The following TBC1D5 variants were observed in gnomAD, a reference collection of about 807,000 sequenced individuals.
The protein encoded by TBC1D5 is TBC1 domain family member 5, also known as TBC1 domain family, member 5.
A neutral mutation model predicts 100.3 loss-of-function variants in TBC1D5; 75 were observed. The observed-to-expected ratio is 0.75, with a 90% CI of 0.62 to 0.91. The LOEUF (loss-of-function observed/expected upper bound fraction) is 0.91, where lower values mean the gene tolerates loss of function less well. Among genes scored for constraint, TBC1D5 ranks in the 40% least tolerant of loss-of-function variants. The pLI, the probability that TBC1D5 is intolerant of heterozygous loss-of-function variation, is 0.00. For synonymous variants in TBC1D5, 323 were observed against 325.6 expected (o/e 0.99, Z 0.09); for missense variants, 910 against 942.4 (o/e 0.97, Z 0.45).
intron 2 of TBC1D5, among the ~76,000 whole-genome samples, chr3:17,534,735 A>T (rs893964631): frequency 6.6e-6 from 1 of 152,324 alleles, no homozygotes; most frequent in Non-Finnish European, 1.5e-5. Flanking sequence ...CCATGTAGGA[A>T]TCAGATATGA....
At chr3:17,270,180 T>C (rs1167032111) in intron 15 of TBC1D5, among the ~76,000 whole-genome samples, 5 of 152,322 alleles carry the variant, frequency 3.3e-5, no homozygotes, top group African/African-American at 1.2e-4. Flanking sequence ...TTTTTAATAA[T>C]AGTCATCCTG....
intron 1 of TBC1D5, among the ~76,000 whole-genome samples, chr3:17,640,684 GT>G (rs1240314551): frequency 6.6e-6 from 1 of 151,990 alleles, no homozygotes; most frequent in Admixed American, 6.6e-5. Context: ...TTCTGCCACA[GT>G]CCAAGCTAGA....
At chr3:17,707,090 A>T (rs2074257456) in intron 1 of TBC1D5, among the ~76,000 whole-genome samples, 1 of 152,068 alleles carries the variant, frequency 6.6e-6, no homozygotes, top group South Asian at 2.1e-4. Context: ...ATACAATTAT[A>T]AATGTAATTT....
At chr3:17,313,581 G>A (rs1463408086) in intron 13 of TBC1D5, among the ~76,000 whole-genome samples, 1 of 151,974 alleles carries the variant, frequency 6.6e-6, no homozygotes, top group Non-Finnish European at 1.5e-5. Context: ...TTTATTTTTT[G>A]AAACCATCAT....
intron 1 of TBC1D5, among the ~76,000 whole-genome samples, chr3:17,680,603 A>G (rs1311207286): frequency 6.6e-6 from 1 of 151,322 alleles, no homozygotes; most frequent in East Asian, 1.9e-4. Flanking sequence ...AAAGTCAAAT[A>G]TAGGATCTAA....
At chr3:17,211,267 G>A (rs1055644739) in intron 18 of TBC1D5, among the ~76,000 whole-genome samples, 1 of 152,206 alleles carries the variant, frequency 6.6e-6, no homozygotes, top group Non-Finnish European at 1.5e-5. Flanking sequence ...TATATTTATA[G>A]CTGTGTATAC....
chr3:17,269,280 G>A (rs528726247), intron 15 of TBC1D5, among the ~76,000 whole-genome samples: 4 of 152,022 alleles, frequency 2.6e-5, no homozygotes, highest in African/African-American at 4.8e-5. Context: ...GAATGCTCAC[G>A]AACAGTGAAG....
intron 2 of TBC1D5, among the ~76,000 whole-genome samples, chr3:17,594,892 C>G (rs2060468258): frequency 6.6e-6 from 1 of 152,032 alleles, no homozygotes; most frequent in Admixed American, 6.6e-5. Flanking sequence ...ATGAAGGATA[C>G]AAAGTATTGA....
intron 4 of TBC1D5, among the ~76,000 whole-genome samples, chr3:17,423,259 A>G (rs2149296667): frequency 6.6e-6 from 1 of 152,260 alleles, no homozygotes; most frequent in African/African-American, 2.4e-5. Flanking sequence ...GCTCTTTTCA[A>G]ATATGAAATA....
chr3:17,608,799 A>G (rs2061498240), intron 2 of TBC1D5, among the ~76,000 whole-genome samples: 1 of 152,172 alleles, frequency 6.6e-6, no homozygotes. Flanking sequence ...GGGGGATTCT[A>G]AAATATATCC....
chr3:17,651,208 A>G (rs1332973628), intron 1 of TBC1D5, among the ~76,000 whole-genome samples: 5 of 152,196 alleles, frequency 3.3e-5, no homozygotes, highest in Non-Finnish European at 7.3e-5. Flanking sequence ...TAACGTTTTC[A>G]TTTAAAAATT....
chr3:17,728,552 T>C (rs890182459), intron 1 of TBC1D5, among the ~76,000 whole-genome samples: 9 of 152,100 alleles, frequency 5.9e-5, no homozygotes, highest in African/African-American at 2.2e-4. Context: ...ATGGAATAAA[T>C]CCAAGATTTC....
At chr3:17,335,686 T>C (rs1428536265) in intron 13 of TBC1D5, among the ~76,000 whole-genome samples, 1 of 152,162 alleles carries the variant, frequency 6.6e-6, no homozygotes, top group Non-Finnish European at 1.5e-5. Context: ...ATCTACGTTT[T>C]AAGGAGTCTA....
chr3:17,237,051 T>A (rs1332715621), intron 17 of TBC1D5, among the ~76,000 whole-genome samples: 1 of 152,242 alleles, frequency 6.6e-6, no homozygotes, highest in Non-Finnish European at 1.5e-5. Flanking sequence ...TAATTTTGAA[T>A]GTAATTTCCT....
intron 19 of TBC1D5, among the ~76,000 whole-genome samples, chr3:17,176,178 C>A (rs1023079839): frequency 6.6e-6 from 1 of 152,208 alleles, no homozygotes; most frequent in Non-Finnish European, 1.5e-5. Flanking sequence ...TGCTAAGTCA[C>A]AATTTCCTCC....
intron 2 of TBC1D5, among the ~76,000 whole-genome samples, chr3:17,542,677 A>C (rs979307526): frequency 5.9e-5 from 9 of 152,226 alleles, no homozygotes; most frequent in African/African-American, 2.2e-4. Context: ...AAATATTGTT[A>C]AATTTTGTCA....
At chr3:17,515,335 G>T (rs1376900310) in intron 2 of TBC1D5, among the ~76,000 whole-genome samples, 3 of 152,076 alleles carry the variant, frequency 2.0e-5, no homozygotes, top group Admixed American at 2.0e-4. Context: ...TTAAGTAGTA[G>T]GGCTGGGAAA....
chr3:17,189,313 GA>G (rs1297098914), intron 18 of TBC1D5, among the ~76,000 whole-genome samples: 1 of 152,140 alleles, frequency 6.6e-6, no homozygotes, highest in Non-Finnish European at 1.5e-5. Context: ...GCTTAGCCCA[GA>G]AAGATTAATT....
At chr3:17,275,935 T>C (rs760990324) in intron 15 of TBC1D5, among the ~76,000 whole-genome samples, 4 of 152,212 alleles carry the variant, frequency 2.6e-5, no homozygotes, top group African/African-American at 4.8e-5. Flanking sequence ...ATGATTCTGA[T>C]TGGGTTTTCC....
Sources: allele counts gnomAD v4.1 joint callset (sites outside exome capture counted in the v4.1 genomes callset), GRCh38; gene constraint gnomAD v4.1.1; transcripts MANE v1.5; gene names NCBI Gene and HGNC (gene_info 2026-07-23, HGNC 2026-07-21).